The following MKRN2OS variants were observed in gnomAD, a reference collection of about 807,000 sequenced individuals.
MKRN2OS encodes MKRN2 opposite strand protein.
A neutral mutation model predicts 18.2 loss-of-function variants in MKRN2OS; 17 were observed. The ratio of observed to expected loss-of-function variants is 0.93; its 90% CI spans 0.64 to 1.40. The LOEUF (loss-of-function observed/expected upper bound fraction) is 1.40, where lower values mean the gene tolerates loss of function less well. Ranked by LOEUF, MKRN2OS falls within the 40% of genes most tolerant of loss-of-function variation. The pLI, the probability that MKRN2OS is intolerant of heterozygous loss-of-function variation, is 0.00. For synonymous variants in MKRN2OS, 121 were observed against 108.5 expected (o/e 1.12, Z -0.72); for missense variants, 337 against 283.0 (o/e 1.19, Z -1.37).
At chr3:12,548,932 A>G (rs1351756279), upstream of MKRN2OS, among the ~76,000 whole-genome samples, 1 of 151,980 alleles carries the variant, frequency 6.6e-6, no homozygotes, top group Admixed American at 6.6e-5. Flanking sequence ...AAGGCATTTT[A>G]TTTTTTATTT....
intron 1 of MKRN2OS, among the ~76,000 whole-genome samples, chr3:12,558,986 C>T (rs1217754931): frequency 6.6e-6 from 1 of 152,198 alleles, no homozygotes; most frequent in African/African-American, 2.4e-5. Flanking sequence ...GGTGTGAAAT[C>T]AAAGTTCATG....
downstream of MKRN2OS, among the ~76,000 whole-genome samples, chr3:12,553,174 T>C (rs1316492971): frequency 6.6e-6 from 1 of 152,156 alleles, no homozygotes; most frequent in African/African-American, 2.4e-5. Flanking sequence ...ACTCATTTTA[T>C]GAGACCAGCA....
At chr3:12,542,336 A>G (rs534105153) in intron 2 of MKRN2OS, among the ~76,000 whole-genome samples, 4 of 152,288 alleles carry the variant, frequency 2.6e-5, no homozygotes, top group Admixed American at 1.3e-4. Context: ...ATCATCTCCA[A>G]TATTTTTATT....
chr3:12,556,796 A>T (rs933556550), intron 1 of MKRN2OS, among the ~76,000 whole-genome samples: 1 of 151,790 alleles, frequency 6.6e-6, no homozygotes, highest in Non-Finnish European at 1.5e-5. Context: ...GAGGCGGGAG[A>T]TCCCTAAGGA....
At chr3:12,559,183 C>T (rs1446064031) in intron 1 of MKRN2OS, among the ~76,000 whole-genome samples, 1 of 152,102 alleles carries the variant, frequency 6.6e-6, no homozygotes, top group Non-Finnish European at 1.5e-5. Flanking sequence ...GACTGCCTTG[C>T]CAAATAAAAA....
Position 12,541,870 on chromosome 3 carries a change from G to T in MKRN2OS, c.421C>A (p.Leu141Met), listed in dbSNP as rs1272048079. The change falls in exon 3 of 4, where the codon CTG becomes ATG. Residue 141 changes from leucine (L) to methionine (M), a missense_variant. Leu to Met is a conservative substitution (Grantham distance 15, BLOSUM62 2). Transcript: ENST00000564146. ...TTTGCAGTCGTGTACCTGTGAGGCA[G>T]CCAGGCCCCCGAGGTGGAGAAGTCT... ...LEDFSTSGAW[L>M]PHRYEDNHHN... 6.5e-7 allele frequency: 1 copy of T among 1,535,604 alleles called. No homozygotes were observed. The highest frequency in any genetic ancestry group is 1.2e-5 in the South Asian group (1 of 84,002).
upstream of MKRN2OS, among the ~76,000 whole-genome samples, chr3:12,546,364 T>C (rs1488041735): frequency 6.6e-6 from 1 of 152,146 alleles, no homozygotes; most frequent in Non-Finnish European, 1.5e-5. Context: ...AGGGAGATAC[T>C]GACTGGGAGA....
At chr3:12,548,821 C>T (rs1000022363), upstream of MKRN2OS, among the ~76,000 whole-genome samples, 8 of 152,114 alleles carry the variant, frequency 5.3e-5, no homozygotes, top group African/African-American at 1.9e-4. Flanking sequence ...TCAACACAAG[C>T]ATCTTCAATC....
At chr3:12,549,338 G>A (rs2057910857), upstream of MKRN2OS, among the ~76,000 whole-genome samples, 1 of 151,908 alleles carries the variant, frequency 6.6e-6, no homozygotes, top group Non-Finnish European at 1.5e-5. Context: ...CCATCTCCTG[G>A]GTTCAAGCGG....
upstream of MKRN2OS, among the ~76,000 whole-genome samples, chr3:12,546,787 A>T (rs2057888836): frequency 6.6e-6 from 1 of 152,058 alleles, no homozygotes; most frequent in Non-Finnish European, 1.5e-5. Context: ...CATGTCGGCC[A>T]GGCTGGTCTC....
chr3:12,545,158 C>G (rs1234091397), intron 1 of MKRN2OS, 89 bp downstream of exon 1: 3 of 1,072,266 alleles, frequency 2.8e-6, no homozygotes, highest in Non-Finnish European at 3.9e-6. Context: ...AAACCTCACA[C>G]ATTATGTATT....
chr3:12,555,440 G>A (rs1270760201), intron 1 of MKRN2OS, among the ~76,000 whole-genome samples: 1 of 151,808 alleles, frequency 6.6e-6, no homozygotes, highest in African/African-American at 2.4e-5. Context: ...AAATTCCTGA[G>A]AAAAATTTCA....
chr3:12,540,137 G>T lies in MKRN2OS; in HGVS notation c.*56C>A. 6.5e-7 allele frequency: 1 copy of T among 1,534,412 alleles called. No individual in the cohort carries two copies. The highest frequency in any genetic ancestry group is 1.2e-5 in the South Asian group (1 of 83,822). Reference sequence around the variant, plus strand: ...AATGCATTTAGAAATCCATAGTACTGATTAAAGGTAGCAACCACCCTACCC... The same window carrying T: ...AATGCATTTAGAAATCCATAGTACTTATTAAAGGTAGCAACCACCCTACCC... On this transcript the variant is annotated 3_prime_UTR_variant, in exon 4 of 4. Transcript: ENST00000564146.
At chr3:12,545,125 A>G (rs777561330) in intron 1 of MKRN2OS, 122 bp downstream of exon 1, 29 of 743,288 alleles carry the variant, frequency 3.9e-5, no homozygotes, top group Non-Finnish European at 5.7e-5. Context: ...TTTAAAGCCA[A>G]AGCACCGAAA....
rs377035253 is a variant in MKRN2OS at position 12,543,183 on chromosome 3, T to A, written c.265A>T (p.Asn89Tyr). Residue 89 changes from asparagine (N) to tyrosine (Y), a missense_variant, in exon 2 of 4, where the codon AAT (asparagine) becomes TAT (tyrosine). Coordinates refer to ENST00000564146, the MANE Select transcript of MKRN2OS (RefSeq NM_001195279.2). ...TAAGCTACAAAACTGCACTTACCAT[T>A]TGTGTTAGTTATTCCAACATGAAGA... ...SDLHVGITNTNGVVYNYSAHG... is the reference protein window; with the variant it reads ...SDLHVGITNTYGVVYNYSAHG... The A allele has an allele frequency of 3.6e-5, 56 of 1,535,698 alleles. 1 individual carries two copies. In the Middle Eastern group the frequency reaches 8.3e-4, roughly 23 times the overall value.
rs765192065 is a variant in MKRN2OS, at chr3:12,539,825, G to A, written c.*368C>T. ...TTTGAGATGGAGTTTCACTCTTGTT[G>A]CCCAGGCTGGAGTGCAATGGCACGA... On this transcript the variant is annotated 3_prime_UTR_variant, in exon 4 of 4. Coordinates refer to ENST00000564146, the MANE Select transcript of MKRN2OS (RefSeq NM_001195279.2). 2.9e-5 allele frequency: 6 copies of A among 207,066 alleles called. No homozygotes were observed. The highest frequency in any genetic ancestry group is 6.0e-5 in the Non-Finnish European group (6 of 100,148). The allele number at this position is 207,066 out of a possible 1,614,324, so 12.8% of individuals were successfully genotyped here.
At chr3:12,554,507 AAT>A (rs1373149360) in intron 1 of MKRN2OS, among the ~76,000 whole-genome samples, 3 of 149,792 alleles carry the variant, frequency 2.0e-5, no homozygotes, top group South Asian at 2.1e-4. Context: ...GAAATATAAA[AAT>A]ATATATATAT....
chr3:12,551,748 C>T (rs1280960581), downstream of MKRN2OS, among the ~76,000 whole-genome samples: 1 of 151,584 alleles, frequency 6.6e-6, no homozygotes, highest in Non-Finnish European at 1.5e-5. Context: ...CCAGCCTGGC[C>T]AATATGGTGA....
At position 12,543,223 on chromosome 3, in the gene MKRN2OS, A is replaced by G. The variant is rs1427936967; in HGVS notation, c.225T>C (p.Tyr75=). The G allele has an allele frequency of 6.5e-7, 1 of 1,534,824 alleles. No homozygotes were observed. Among genetic ancestry groups the G allele is most frequent in the Non-Finnish European group, 8.7e-7 (1 of 1,146,500 alleles). The part of the protein sequence containing the change: ...RPTQGTFLRE[Y]DGRSDLHVGI... ...CAACATGAAGATCAGACCTTCCATC[A>G]TACTCTCTGAAAGAAACAAGGTTTG... Residue 75 remains tyrosine, a synonymous_variant, in exon 2 of 4, where the codon TAT becomes TAC. Coordinates refer to ENST00000564146, the MANE Select transcript of MKRN2OS (RefSeq NM_001195279.2).
Sources: allele counts gnomAD v4.1 joint callset (sites outside exome capture counted in the v4.1 genomes callset), GRCh38; gene constraint gnomAD v4.1.1; transcripts MANE v1.5; gene names NCBI Gene and HGNC (gene_info 2026-07-23, HGNC 2026-07-21).